Variants in NAALADL2 observed in about 807,000 individuals in gnomAD.
NAALADL2 encodes N-acetylated alpha-linked acidic dipeptidase like 2.
NAALADL2 carries 76 observed loss-of-function variants against 87.2 expected under a neutral mutation model. That is an observed-to-expected ratio of 0.87 (90% CI 0.72 to 1.05). NAALADL2 has a LOEUF of 1.05. NAALADL2 is among the 50% of genes least tolerant of loss of function. NAALADL2 has a pLI of 0.00. For missense variants in NAALADL2, 1,089 were observed against 945.8 expected (o/e 1.15, Z -1.99); for synonymous variants, 354 against 331.0 (o/e 1.07, Z -0.75).
chr3:174,669,978 A>T (rs2108799477), intron 2 of NAALADL2, among the ~76,000 whole-genome samples: 1 of 152,010 alleles, frequency 6.6e-6, no homozygotes, highest in Non-Finnish European at 1.5e-5. Flanking sequence ...TTTATTTCTA[A>T]GTATTTTATT....
intron 3 of NAALADL2, among the ~76,000 whole-genome samples, chr3:174,852,709 A>G (rs1225720878): frequency 6.6e-6 from 1 of 152,134 alleles, no homozygotes; most frequent in Non-Finnish European, 1.5e-5. Flanking sequence ...AATGGAAAAA[A>G]CAATCCTAAA....
intron 1 of NAALADL2, among the ~76,000 whole-genome samples, chr3:174,948,270 G>C (rs1462299361): frequency 6.6e-6 from 1 of 151,982 alleles, no homozygotes; most frequent in Non-Finnish European, 1.5e-5. Flanking sequence ...TCCACCTCCC[G>C]GGTTGAAGCA....
At chr3:174,546,757 A>G (rs1436611695) in intron 1 of NAALADL2, among the ~76,000 whole-genome samples, 1 of 152,190 alleles carries the variant, frequency 6.6e-6, no homozygotes, top group Non-Finnish European at 1.5e-5. Context: ...TCCTAGGCTC[A>G]AGCAATCCTC....
At chr3:175,463,345 T>C in intron 6 of NAALADL2, 56 bp from the exon 7 acceptor site, 2 of 1,150,714 alleles carry the variant, frequency 1.7e-6, no homozygotes, top group South Asian at 1.5e-5. Context: ...TTTTAAGGTT[T>C]AAAAAATACA....
intron 1 of NAALADL2, among the ~76,000 whole-genome samples, chr3:174,974,704 T>C (rs1419330099): frequency 6.6e-6 from 1 of 152,168 alleles, no homozygotes; most frequent in African/African-American, 2.4e-5. Context: ...TCAGGAGATA[T>C]AATTGTTCAA....
At chr3:175,454,908 A>T (rs1722099134) in intron 6 of NAALADL2, among the ~76,000 whole-genome samples, 1 of 152,126 alleles carries the variant, frequency 6.6e-6, no homozygotes, top group Non-Finnish European at 1.5e-5. Context: ...AGAATACACT[A>T]AAAAATGTGC....
At chr3:174,493,183 T>C (rs888490580) in intron 1 of NAALADL2, among the ~76,000 whole-genome samples, 1 of 152,170 alleles carries the variant, frequency 6.6e-6, no homozygotes, top group Non-Finnish European at 1.5e-5. Flanking sequence ...CATGTCGAAA[T>C]CTTGATATCC....
chr3:174,665,374 CTGTT>C (rs975779284), intron 2 of NAALADL2, among the ~76,000 whole-genome samples: 14 of 152,272 alleles, frequency 9.2e-5, no homozygotes, highest in African/African-American at 2.6e-4. Context: ...TTAGGAAAGA[CTGTT>C]TGGTGCTATC....
chr3:175,197,755 A>G (rs907270445), intron 2 of NAALADL2, among the ~76,000 whole-genome samples: 3 of 152,050 alleles, frequency 2.0e-5, no homozygotes, highest in African/African-American at 7.2e-5. Flanking sequence ...CAAAAATATG[A>G]ATTCAGGGAG....
chr3:175,291,506 T>C (rs1487421679), intron 4 of NAALADL2, among the ~76,000 whole-genome samples: 2 of 152,176 alleles, frequency 1.3e-5, no homozygotes, highest in African/African-American at 2.4e-5. Context: ...CCAACTCATA[T>C]ATACCTAGCC....
chr3:175,078,468 A>G (rs758015606), intron 1 of NAALADL2, among the ~76,000 whole-genome samples: 1 of 152,190 alleles, frequency 6.6e-6, no homozygotes. Flanking sequence ...GAAGTGTGCA[A>G]TTTGATGGTT....
intron 7 of NAALADL2, 106 bp downstream of exon 7, chr3:175,463,599 C>T: frequency 1.7e-6 from 1 of 585,190 alleles, no homozygotes; most frequent in Non-Finnish European, 2.7e-6. Flanking sequence ...TGAGATATAA[C>T]TAGAAATTTG....
intron 3 of NAALADL2, among the ~76,000 whole-genome samples, chr3:175,243,093 A>G (rs1274161050): frequency 8.6e-5 from 13 of 150,634 alleles, no homozygotes; most frequent in African/African-American, 1.5e-4. Flanking sequence ...ACACACACAC[A>G]CGCACACACA....
intron 13 of NAALADL2, among the ~76,000 whole-genome samples, chr3:175,802,282 T>TA (rs1754258683): frequency 6.6e-6 from 1 of 151,410 alleles, no homozygotes; most frequent in Non-Finnish European, 1.5e-5. Flanking sequence ...TTAAACTGTT[T>TA]AAATACAAGT....
rs2108370794 is a variant in NAALADL2, at chr3:175,805,148, C to T, written c.*1945C>T. On this transcript the variant is annotated 3_prime_UTR_variant, in exon 14 of 14. Coordinates refer to ENST00000454872, the MANE Select transcript of NAALADL2 (RefSeq NM_207015.3). Reference sequence around the variant, plus strand: ...TTAACCAAAGGTTGATGTGTTCATTCCAGTTATTCACTTACAGATGAAACT... The same window carrying T: ...TTAACCAAAGGTTGATGTGTTCATTTCAGTTATTCACTTACAGATGAAACT... 6.6e-6 allele frequency: 1 copy of T among 151,978 alleles called. No homozygotes were observed. The highest frequency in any genetic ancestry group is 2.4e-5 in the African/African-American group (1 of 41,518). The allele number at this position is 151,978 out of a possible 1,614,324, so 9.4% of individuals were successfully genotyped here. A position where few individuals can be genotyped will look rare whatever the true frequency, so the allele number is the denominator to read the frequency against.
At chr3:174,878,569 G>A (rs775880944) in intron 1 of NAALADL2, among the ~76,000 whole-genome samples, 22 of 152,052 alleles carry the variant, frequency 1.4e-4, no homozygotes, top group Non-Finnish European at 2.6e-4. Flanking sequence ...TGCACCTAAT[G>A]TCTATGATTG....
intron 11 of NAALADL2, among the ~76,000 whole-genome samples, chr3:175,727,891 A>G (rs1339127007): frequency 6.6e-6 from 1 of 152,148 alleles, no homozygotes; most frequent in Non-Finnish European, 1.5e-5. Flanking sequence ...GTTTCTGCTT[A>G]TACATGAAAC....
chr3:175,096,402 G>A (rs1333655831), intron 1 of NAALADL2, among the ~76,000 whole-genome samples: 2 of 151,666 alleles, frequency 1.3e-5, no homozygotes, highest in Non-Finnish European at 2.9e-5. Context: ...TAACCATGAA[G>A]GTTTAATTTT....
intron 13 of NAALADL2, among the ~76,000 whole-genome samples, chr3:175,781,592 A>G (rs1354651206): frequency 6.6e-6 from 1 of 151,972 alleles, no homozygotes. Flanking sequence ...CTTATAAAAA[A>G]ATTGATGATA....
Sources: gnomAD v4.1 joint callset for allele counts (sites outside exome capture counted in the v4.1 genomes callset) on GRCh38, gnomAD v4.1.1 for gene constraint, MANE v1.5 for transcripts, NCBI Gene and HGNC (gene_info 2026-07-23, HGNC 2026-07-21) for gene names.